Variants in GAS6 observed in about 807,000 individuals in gnomAD.
GAS6 encodes growth arrest-specific protein 6.
In GAS6, 41 loss-of-function variants were observed where a neutral mutation model predicts 75.8. The observed-to-expected ratio is 0.54, with a 90% CI of 0.42 to 0.70. The LOEUF (loss-of-function observed/expected upper bound fraction) is 0.70, where lower values mean the gene tolerates loss of function less well. Among genes scored for constraint, GAS6 ranks in the 30% least tolerant of loss-of-function variants. The pLI, the probability that GAS6 is intolerant of heterozygous loss-of-function variation, is 0.00. For missense variants in GAS6, 854 were observed against 940.2 expected, an observed-to-expected ratio of 0.91 and a Z score of 1.20; for synonymous variants, 432 against 412.6, an observed-to-expected ratio of 1.05 and a Z score of -0.57.
rs907248246 is a variant in GAS6, at chr13:113,845,689, T to G, written c.343+838A>C. 7.3e-6 allele frequency: 1 copy of G among 136,976 alleles called. No individual in the cohort carries two copies. The highest frequency in any genetic ancestry group is 1.5e-5 in the Non-Finnish European group (1 of 66,528). The allele number at this position is 136,976 out of a possible 1,614,324, so 8.5% of individuals were successfully genotyped here. A position where few individuals can be genotyped will look rare whatever the true frequency, so the allele number is the denominator to read the frequency against. ...GGCAAAAAATATAAACAACAGTTTATAGGAAAAGAAATACACAGTTTTTAA... is the reference window on the plus strand; with the variant it reads ...GGCAAAAAATATAAACAACAGTTTAGAGGAAAAGAAATACACAGTTTTTAA... On this transcript the variant is annotated intron_variant, in intron 4 of 14. Transcript: ENST00000327773. This position sits in a 1 kb window ranked among gnomAD's most constrained non-coding sequence, Gnocchi z 4.3.
At chr13:113,833,724 GTGTGACAGGTCGGTGTGACAGGTACTGT>G (rs1320021223) in intron 8 of GAS6, 7 of 867,298 alleles carry the variant, frequency 8.1e-6, no homozygotes, top group African/African-American at 6.0e-5. Flanking sequence ...ACAGGCACCG[GTGTGACAGGTCGGTGTGACAGGTACTGT>G]TGTGACAGGT....
At chr13:113,827,185 C>T in intron 11 of GAS6, 21 bp from the exon 12 acceptor site, 1 of 1,606,584 alleles carries the variant, frequency 6.2e-7, no homozygotes, top group Non-Finnish European at 8.5e-7. Flanking sequence ...AGAGAAATCT[C>T]CGTGGCTTCC....
chr13:113,832,317 G>A lies in GAS6; in HGVS notation c.1125C>T (p.Asn375=). Residue 375 remains asparagine, a synonymous_variant, in exon 10 of 15, where the codon AAC becomes AAT. Coordinates refer to ENST00000327773, the MANE Select transcript of GAS6 (RefSeq NM_000820.4). ...GRVTSSGPVI[N]HGMWQTISVE... ...CACTCACTGTCTGCCACATGCCATG[G>A]TTGATGACCGGGCCGCTGCTGGTGA... is the stretch of plus-strand genomic sequence containing the variant. 1 of 1,599,738 alleles carries A rather than the reference G, an allele frequency of 6.3e-7. No individual in the cohort carries two copies. The highest frequency in any genetic ancestry group is 8.5e-7 in the Non-Finnish European group (1 of 1,179,776).
rs1024124021 is a variant in GAS6 at position 113,845,163 on chromosome 13, G to T, written c.343+1364C>A. On this transcript the variant is annotated intron_variant, in intron 4 of 14. Coordinates refer to ENST00000327773, the MANE Select transcript of GAS6 (RefSeq NM_000820.4). This position sits in a 1 kb window ranked among gnomAD's most constrained non-coding sequence, Gnocchi z 4.3. The stretch of plus-strand genomic sequence containing the variant: ...CAGGGCAGGCCGGGCCACAGGGCAG[G>T]GCCACCCTCCCATTCCCATGTTTAC... The T allele has an allele frequency of 4.0e-5, 6 of 150,692 alleles. 1 individual carries two copies. The highest frequency in any genetic ancestry group is 1.5e-4 in the African/African-American group (6 of 40,068). 9.3% of individuals were successfully genotyped at this position (150,692 alleles called of 1,614,324 possible).
chr13:113,826,857 GCCCACCCAT>G (rs2051555763), intron 12 of GAS6, 130 bp downstream of exon 12: 2 of 83,796 alleles, frequency 2.4e-5, no homozygotes, highest in South Asian at 2.9e-4. Flanking sequence ...CGCCCACCCC[GCCCACCCAT>G]CCCTGCCCCG....
intron 11 of GAS6, among the ~76,000 whole-genome samples, chr13:113,827,384 AAGG>A (rs1254988811): frequency 3.9e-5 from 6 of 152,248 alleles, no homozygotes; most frequent in African/African-American, 7.2e-5. Context: ...TCAAGAACTA[AAGG>A]TTCATTTTAA....
At chr13:113,831,204 AG>A (rs2051626225) in intron 10 of GAS6, among the ~76,000 whole-genome samples, 1 of 152,198 alleles carries the variant, frequency 6.6e-6, no homozygotes, top group African/African-American at 2.4e-5. Flanking sequence ...AGGTCTGACC[AG>A]GACCCCTCAG....
intron 2 of GAS6, among the ~76,000 whole-genome samples, chr13:113,849,750 C>T (rs1566371538): frequency 1.3e-5 from 2 of 152,216 alleles, no homozygotes; most frequent in Non-Finnish European, 2.9e-5. Flanking sequence ...AATCTCCTGT[C>T]AGTTCGCCAC....
Position 113,837,586 on chromosome 13 carries a change from C to T in GAS6, c.589+483G>A, listed in dbSNP as rs2051730590. Among the ~76,000 whole-genome samples the T allele has an allele frequency of 6.6e-6, 1 of 152,148 alleles. No individual in the cohort carries two copies. Among genetic ancestry groups the T allele is most frequent in the Non-Finnish European group, 1.5e-5 (1 of 68,010 alleles). On this transcript the variant is annotated intron_variant, in intron 6 of 14. Transcript: ENST00000327773. The surrounding 1 kb of genome is among the most constrained non-coding windows in gnomAD (Gnocchi z 5.1). ...GTGTCCTGGGGCTCCCCAGCTCTGG[C>T]CCTGGGCTGAGGGAACCCCAGACTG...
At position 113,863,928 on chromosome 13, in the gene GAS6, C is replaced by G; in HGVS notation, c.-8G>C. ...CGAGAGCGAAGGGGCCATGGCGGGC[C>G]GGGGACGCGCGGTCAGAGCGCCCGG... On this transcript the variant is annotated 5_prime_UTR_variant, in exon 1 of 15. Transcript: ENST00000327773. This position sits in a 1 kb window ranked among gnomAD's most constrained non-coding sequence, Gnocchi z 9.4. The G allele has an allele frequency of 1.8e-6, 2 of 1,133,822 alleles. No homozygotes were observed. Among genetic ancestry groups the G allele is most frequent in the Non-Finnish European group, 2.2e-6 (2 of 926,478 alleles). The allele number at this position is 1,133,822 out of a possible 1,614,324, so 70.2% of individuals were successfully genotyped here. A position where few individuals can be genotyped will look rare whatever the true frequency, so the allele number is the denominator to read the frequency against.
intron 4 of GAS6, 139 bp downstream of exon 4, chr13:113,846,388 G>T: frequency 1.6e-6 from 1 of 633,930 alleles, no homozygotes; most frequent in Non-Finnish European, 2.7e-6. Context: ...AAAGTTTGGC[G>T]AAAAGGGAGC....
intron 2 of GAS6, among the ~76,000 whole-genome samples, chr13:113,856,817 C>A (rs543188975): frequency 6.9e-6 from 1 of 145,638 alleles, no homozygotes; most frequent in South Asian, 2.1e-4. Context: ...GGCAGGAATG[C>A]CACACCGCAG....
At position 113,832,883 on chromosome 13, in the gene GAS6, T is replaced by A. The variant is rs779237884; in HGVS notation, c.835-131A>T. ...CGGGAGTGGCCACCCCGCCTCTAGC[T>A]GCTGAGACCCCAGAGGCTGTCACAC... is the stretch of plus-strand genomic sequence containing the variant. On this transcript the variant is annotated intron_variant, in intron 8 of 14. Coordinates refer to ENST00000327773, the MANE Select transcript of GAS6 (RefSeq NM_000820.4). 2.8e-5 allele frequency: 43 copies of A among 1,554,608 alleles called. No individual in the cohort carries two copies. The East Asian group carries it at 9.9e-4, about 36-fold the overall frequency.
intron 11 of GAS6, 21 bp from the exon 12 acceptor site, chr13:113,827,185 C>A (rs1405751197): frequency 6.2e-7 from 1 of 1,606,584 alleles, no homozygotes; most frequent in Non-Finnish European, 8.5e-7. Context: ...AGAGAAATCT[C>A]CGTGGCTTCC....
chr13:113,835,859 C>A, intron 6 of GAS6: 1 of 1,355,864 alleles, frequency 7.4e-7, no homozygotes, highest in Non-Finnish European at 9.5e-7. Context: ...AGGCTGACTT[C>A]AGCCCAGCAG....
At position 113,823,201 on chromosome 13, in the gene GAS6, C is replaced by A. The variant is rs1316031029; in HGVS notation, c.1653+174G>T. 2.9e-5 allele frequency: 19 copies of A among 653,786 alleles called. No individual in the cohort carries two copies. The Admixed American group carries it at 5.0e-4, about 17-fold the overall frequency. The allele number at this position is 653,786 out of a possible 1,614,324, so 40.5% of individuals were successfully genotyped here. On this transcript the variant is annotated intron_variant, in intron 13 of 14. Coordinates refer to ENST00000327773, the MANE Select transcript of GAS6 (RefSeq NM_000820.4). ...GGCGGTGACCTGGTGTCCAAACAAC[C>A]CCCGCAGCCCGAAGCGTGGCCCACG... is the stretch of plus-strand genomic sequence containing the variant.
Position 113,826,986 on chromosome 13 carries a change from C to T in GAS6, c.1477+10G>A. ...CCACAGCCACCCCAACGGTAAGAGCCAAGACTTACTGTAGTCCAGGCTGTA... is the reference window on the plus strand; with the variant it reads ...CCACAGCCACCCCAACGGTAAGAGCTAAGACTTACTGTAGTCCAGGCTGTA... On this transcript the variant is annotated intron_variant, in intron 12 of 14. Transcript: ENST00000327773. The T allele has an allele frequency of 6.2e-7, 1 of 1,611,740 alleles. No homozygotes were observed. The highest frequency in any genetic ancestry group is 8.5e-7 in the Non-Finnish European group (1 of 1,179,308).
intron 2 of GAS6, among the ~76,000 whole-genome samples, chr13:113,855,902 G>T (rs2051910596): frequency 6.6e-6 from 1 of 152,178 alleles, no homozygotes; most frequent in African/African-American, 2.4e-5. Context: ...CACCTGGGTT[G>T]CTCTGAGGAC....
chr13:113,834,692 G>C lies in GAS6; in HGVS notation c.713-20C>G. ...CCACATCTGCCAGCCAGAGGGAAGCGGCGGTGAGCCGGGGAGGCCTCTACG... is the reference window on the plus strand; with the variant it reads ...CCACATCTGCCAGCCAGAGGGAAGCCGCGGTGAGCCGGGGAGGCCTCTACG... On this transcript the variant is annotated intron_variant, in intron 7 of 14. Coordinates refer to ENST00000327773, the MANE Select transcript of GAS6 (RefSeq NM_000820.4). 6.6e-7 allele frequency: 1 copy of C among 1,525,672 alleles called. No homozygotes were observed. Among genetic ancestry groups the C allele is most frequent in the Non-Finnish European group, 8.8e-7 (1 of 1,132,656 alleles). The allele number at this position is 1,525,672 out of a possible 1,614,324, so 94.5% of individuals were successfully genotyped here. A position where few individuals can be genotyped will look rare whatever the true frequency, so the allele number is the denominator to read the frequency against.
Sources: allele counts gnomAD v4.1 joint callset (sites outside exome capture counted in the v4.1 genomes callset), GRCh38; gene constraint gnomAD v4.1.1; non-coding constraint Gnocchi (gnomAD v3.1); transcripts MANE v1.5; gene names NCBI Gene and HGNC (gene_info 2026-07-23, HGNC 2026-07-21).